The following EDC3 variants were observed in gnomAD, a reference collection of about 807,000 sequenced individuals.
EDC3 encodes enhancer of mRNA-decapping protein 3.
Under a neutral mutation model 41.8 loss-of-function variants are expected in EDC3, and 20 were observed. That is an observed-to-expected ratio of 0.48 (90% confidence interval 0.34 to 0.70). EDC3 has a LOEUF of 0.70. Ranked by LOEUF, EDC3 falls within the 30% of genes least tolerant of loss-of-function variation. The probability of loss-of-function intolerance (pLI) is 0.01; values close to 1 mark genes in which losing one functional copy is unlikely to be tolerated. For missense variants in EDC3, 444 were observed against 636.8 expected (o/e 0.70, Z 3.26); for synonymous variants, 206 against 243.2 (o/e 0.85, Z 1.42).
intron 3 of EDC3, among the ~76,000 whole-genome samples, chr15:74,656,859 G>A (rs1199156233): frequency 6.6e-6 from 1 of 152,204 alleles, no homozygotes; most frequent in Non-Finnish European, 1.5e-5. Flanking sequence ...ACTATGGCTG[G>A]ATGTCAGAGA....
Position 74,640,630 on chromosome 15 carries a change from A to C in EDC3, c.821-11T>G. ...CAACCAGGCCAGAGTCTGCAGTTCA[A>C]AAGGAGAAGAGAAAGGGAAAGTGAC... On this transcript the variant is annotated splice_polypyrimidine_tract_variant and intron_variant, in intron 4 of 6. Transcript: ENST00000315127. The C allele has an allele frequency of 1.2e-6, 2 of 1,614,162 alleles. No homozygotes were observed. The highest frequency in any genetic ancestry group is 1.6e-4 in the Middle Eastern group (1 of 6,062).
At chr15:74,641,310 C>G (rs1391937819) in intron 4 of EDC3, 2 of 152,146 alleles carry the variant, frequency 1.3e-5, no homozygotes, top group Non-Finnish European at 2.9e-5. Context: ...CTATGGCTGG[C>G]TTTAAAAAAG....
At chr15:74,680,063 C>G (rs924979573) in intron 1 of EDC3, 1 of 151,932 alleles carries the variant, frequency 6.6e-6, no homozygotes, top group South Asian at 2.1e-4. Context: ...GAGATCAAGA[C>G]CATCTTAGCT....
Position 74,695,919 on chromosome 15 carries a change from C to G in EDC3, c.-58G>C, listed in dbSNP as rs1463605297. 6.5e-6 allele frequency: 1 copy of G among 153,136 alleles called. No homozygotes were observed. The highest frequency in any genetic ancestry group is 6.5e-5 in the Admixed American group (1 of 15,280). The allele number at this position is 153,136 out of a possible 1,614,324, so 9.5% of individuals were successfully genotyped here. On this transcript the variant is annotated 5_prime_UTR_variant, in exon 1 of 7. Coordinates refer to ENST00000315127, the MANE Select transcript of EDC3 (RefSeq NM_025083.5). Reference sequence around the variant, plus strand: ...GCCTGGAGCTCCTCCGCACACCACACCAAGCCGACCACTCAACACCAGAGG... The same window carrying G: ...GCCTGGAGCTCCTCCGCACACCACAGCAAGCCGACCACTCAACACCAGAGG...
At chr15:74,685,738 AGAT>A (rs1425675806) in intron 1 of EDC3, among the ~76,000 whole-genome samples, 4 of 152,218 alleles carry the variant, frequency 2.6e-5, no homozygotes, top group African/African-American at 9.6e-5. Flanking sequence ...AACAGCTAGC[AGAT>A]GATAGCAGAT....
chr15:74,684,084 GT>G lies in EDC3; in HGVS notation c.-18-8943del, dbSNP rs58548595. Among the ~76,000 whole-genome samples, 236 of 103,052 alleles carry G rather than the reference GT, an allele frequency of 2.3e-3. 3 individuals carry two copies. The highest frequency in any genetic ancestry group is 0.01 in the Middle Eastern group (2 of 198). The allele number at this position is 103,052 out of a possible 152,430, so 67.6% of individuals were successfully genotyped here. On this transcript the variant is annotated intron_variant, in intron 1 of 6. Transcript: ENST00000315127. ...TTATATATTTTGGTTTTTTGTTTCT[GT>G]TTTTTTTTTTTTTTTTTTTGGCTCA... is the stretch of plus-strand genomic sequence containing the variant.
chr15:74,693,164 C>T (rs941683046), intron 1 of EDC3: 2 of 152,200 alleles, frequency 1.3e-5, no homozygotes, highest in Non-Finnish European at 2.9e-5. Context: ...GTGATGCAAC[C>T]TTTCTCATTC....
chr15:74,681,437 A>G (rs770252188), intron 1 of EDC3, among the ~76,000 whole-genome samples: 21 of 152,232 alleles, frequency 1.4e-4, no homozygotes, highest in Non-Finnish European at 2.6e-4. Context: ...GGCGTGAGCC[A>G]CCACGCCTGG....
At chr15:74,634,557 C>G (rs540999346) in intron 6 of EDC3, among the ~76,000 whole-genome samples, 1 of 152,202 alleles carries the variant, frequency 6.6e-6, no homozygotes, top group East Asian at 1.9e-4. Flanking sequence ...TTCTGCTGTT[C>G]CTCCCCAAAC....
chr15:74,660,740 C>T (rs902319284), intron 3 of EDC3, among the ~76,000 whole-genome samples: 29 of 151,930 alleles, frequency 1.9e-4, no homozygotes, highest in African/African-American at 6.5e-4. Flanking sequence ...GTGGACAGAA[C>T]GATTCACCAG....
chr15:74,679,244 T>C (rs969810107), intron 1 of EDC3, among the ~76,000 whole-genome samples: 3 of 151,988 alleles, frequency 2.0e-5, no homozygotes, highest in African/African-American at 7.2e-5. Context: ...ATTTGTTCAA[T>C]GTAGCTAGTA....
chr15:74,658,905 C>T (rs2062586374), intron 3 of EDC3, among the ~76,000 whole-genome samples: 1 of 152,078 alleles, frequency 6.6e-6, no homozygotes, highest in Admixed American at 6.6e-5. Context: ...CACCACTGCA[C>T]TCCAGCCTGG....
intron 1 of EDC3, among the ~76,000 whole-genome samples, chr15:74,688,103 A>C (rs903031241): frequency 3.3e-5 from 5 of 152,234 alleles, no homozygotes; most frequent in African/African-American, 1.2e-4. Flanking sequence ...CTTTCCTCAG[A>C]AACTTCCCTT....
At chr15:74,672,131 T>A (rs1186875817) in intron 2 of EDC3, among the ~76,000 whole-genome samples, 1 of 151,056 alleles carries the variant, frequency 6.6e-6, no homozygotes, top group African/African-American at 2.4e-5. Context: ...TAGCCGGGCA[T>A]AGTGGCGGGC....
At chr15:74,685,221 C>G (rs1318471080) in intron 1 of EDC3, among the ~76,000 whole-genome samples, 14 of 151,654 alleles carry the variant, frequency 9.2e-5, no homozygotes, top group Admixed American at 9.2e-4. Flanking sequence ...ATAGGGAGAC[C>G]CCATCTCTGC....
intron 2 of EDC3, 88 bp downstream of exon 2, chr15:74,674,873 T>A: frequency 6.7e-7 from 1 of 1,482,682 alleles, no homozygotes; most frequent in Non-Finnish European, 9.3e-7. Context: ...AAAGCGGCCA[T>A]ATGCCAAGAG....
intron 3 of EDC3, among the ~76,000 whole-genome samples, chr15:74,661,591 C>T (rs867514464): frequency 1.3e-5 from 2 of 151,812 alleles, no homozygotes; most frequent in Admixed American, 6.6e-5. Flanking sequence ...CAGCACTGGG[C>T]GTGGTGGAAT....
rs1005442274 is a variant in EDC3, at chr15:74,644,874, C to A, written c.821-4255G>T. ...CGAGGAAGAAATCTGGTGGTCAACA[C>A]CTTACCAAGTGGTCAAACAGCCCCA... On this transcript the variant is annotated intron_variant, in intron 4 of 6. Transcript: ENST00000315127. 4 of 152,226 alleles carry A rather than the reference C, an allele frequency of 2.6e-5. No individual in the cohort carries two copies. The South Asian group carries it at 6.2e-4, about 24-fold the overall frequency. The allele number at this position is 152,226 out of a possible 1,614,324, so 9.4% of individuals were successfully genotyped here. A position where few individuals can be genotyped will look rare whatever the true frequency, so the allele number is the denominator to read the frequency against.
At chr15:74,664,171 T>C (rs2062653357) in intron 3 of EDC3, among the ~76,000 whole-genome samples, 1 of 152,208 alleles carries the variant, frequency 6.6e-6, no homozygotes, top group Non-Finnish European at 1.5e-5. Flanking sequence ...ATAAAATAAA[T>C]GCAAGGCAGG....
Sources: gnomAD v4.1 joint callset for allele counts (sites outside exome capture counted in the v4.1 genomes callset) on GRCh38, gnomAD v4.1.1 for gene constraint, MANE v1.5 for transcripts, NCBI Gene and HGNC (gene_info 2026-07-23, HGNC 2026-07-21) for gene names.